C3orf20: variants seen among roughly 807,000 people sequenced by gnomAD.
The protein encoded by C3orf20 is family with sequence similarity 149 member C, also known as uncharacterized protein C3orf20.
C3orf20 carries 76 observed loss-of-function variants against 88.3 expected under a neutral mutation model. The ratio of observed to expected loss-of-function variants is 0.86; its 90% CI spans 0.72 to 1.04. The LOEUF is 1.04. Among genes scored for constraint, C3orf20 ranks in the 50% least tolerant of loss-of-function variants. The pLI is 0.00. For synonymous variants in C3orf20, 436 were observed against 437.4 expected (o/e 1.00, Z 0.04); for missense variants, 1,056 against 1,123.3 (o/e 0.94, Z 0.86).
intron 4 of C3orf20, among the ~76,000 whole-genome samples, chr3:14,685,377 T>C (rs1345770386): frequency 6.6e-6 from 1 of 152,144 alleles, no homozygotes; most frequent in African/African-American, 2.4e-5. Context: ...GAACAGGATC[T>C]GGAAGACAGC....
At chr3:14,703,836 G>A (rs2033382579) in intron 6 of C3orf20, among the ~76,000 whole-genome samples, 1 of 152,188 alleles carries the variant, frequency 6.6e-6, no homozygotes, top group Non-Finnish European at 1.5e-5. Context: ...ACAAGCCCTA[G>A]CAATTTACTC....
In C3orf20 at chr3:14,744,626, A is replaced by T. The variant is rs1481929703; in HGVS notation, c.1941-12745A>T. On this transcript the variant is annotated intron_variant, in intron 12 of 16. Coordinates refer to ENST00000253697, the MANE Select transcript of C3orf20 (RefSeq NM_032137.5). ...CATACTCGAAACTGGGAATGAAAAA[A>T]GGTTAATTGGACTTACAGTTCCCCA... 5.3e-5 allele frequency among the ~76,000 whole-genome samples: 8 copies of T among 151,970 alleles called. 1 individual carries two copies. Among genetic ancestry groups the T allele is most frequent in the Non-Finnish European group, 7.3e-5 (5 of 68,028 alleles).
At chr3:14,747,977 C>G (rs1396528125) in intron 12 of C3orf20, among the ~76,000 whole-genome samples, 1 of 151,872 alleles carries the variant, frequency 6.6e-6, no homozygotes, top group Non-Finnish European at 1.5e-5. Flanking sequence ...GTGTCTTTGT[C>G]TGGCTTTGGT....
At chr3:14,767,026 C>T (rs376653420) in intron 15 of C3orf20, 1 of 152,426 alleles carries the variant, frequency 6.6e-6, no homozygotes, top group East Asian at 1.9e-4. Flanking sequence ...GAAGCCTCTG[C>T]TTTGTCCCTC....
At chr3:14,690,493 A>T (rs1559398778) in intron 5 of C3orf20, among the ~76,000 whole-genome samples, 1 of 152,238 alleles carries the variant, frequency 6.6e-6, no homozygotes, top group Non-Finnish European at 1.5e-5. Flanking sequence ...TGGGGGAACT[A>T]GTATCTGAAG....
intron 10 of C3orf20, chr3:14,722,620 T>C (rs889366140): frequency 2.2e-6 from 1 of 456,144 alleles, no homozygotes; most frequent in East Asian, 7.0e-5. Flanking sequence ...CAACGTCCAT[T>C]CTAGACTGCT....
intron 10 of C3orf20, chr3:14,722,449 C>T (rs528635173): frequency 2.2e-6 from 1 of 456,546 alleles, no homozygotes; most frequent in South Asian, 1.5e-5. Context: ...AAGGATAAGG[C>T]AGAAGAGTTT....
intron 5 of C3orf20, among the ~76,000 whole-genome samples, chr3:14,702,526 C>T (rs1342398507): frequency 6.6e-6 from 1 of 151,330 alleles, no homozygotes; most frequent in Non-Finnish European, 1.5e-5. Context: ...CTGCAACCTC[C>T]ACCTCCCGGG....
chr3:14,700,722 C>CTCA (rs2033225736), intron 5 of C3orf20, among the ~76,000 whole-genome samples: 1 of 152,218 alleles, frequency 6.6e-6, no homozygotes, highest in Non-Finnish European at 1.5e-5. Flanking sequence ...TTAGCCTTGC[C>CTCA]TCATAGCTCG....
chr3:14,728,057 T>A (rs2034416317), intron 11 of C3orf20, among the ~76,000 whole-genome samples: 1 of 152,182 alleles, frequency 6.6e-6, no homozygotes, highest in African/African-American at 2.4e-5. Flanking sequence ...GTAGTTGGAA[T>A]TGACTTAAAG....
At chr3:14,716,441 C>A (rs1386622450) in intron 9 of C3orf20, among the ~76,000 whole-genome samples, 1 of 152,166 alleles carries the variant, frequency 6.6e-6, no homozygotes, top group African/African-American at 2.4e-5. Flanking sequence ...TGGGAGGGCT[C>A]CAGCACCCTA....
At chr3:14,678,537 T>C (rs2031912373) in intron 1 of C3orf20, among the ~76,000 whole-genome samples, 1 of 152,236 alleles carries the variant, frequency 6.6e-6, no homozygotes, top group South Asian at 2.1e-4. Context: ...TCCCAGAAGC[T>C]AACTGGAAAC....
At position 14,721,712 on chromosome 3, in the gene C3orf20, C is replaced by G; in HGVS notation, c.1494C>G (p.Thr498=). The change falls in exon 10 of 17, where the codon ACC becomes ACG. Residue 498 remains threonine (T), a synonymous_variant. Transcript: ENST00000253697. The part of the protein sequence containing the change: ...LGQDSITVTF[T]SLNETVTLTV... ...AGGACTCCATCACAGTCACCTTCAC[C>G]TCCCTGAATGAGACAGTAACACTCA... The G allele has an allele frequency of 1.9e-6, 3 of 1,614,210 alleles. No individual in the cohort carries two copies. Among genetic ancestry groups the G allele is most frequent in the Non-Finnish European group, 2.5e-6 (3 of 1,180,030 alleles).
At chr3:14,685,460 T>TC (rs2032348565) in intron 4 of C3orf20, among the ~76,000 whole-genome samples, 1 of 139,014 alleles carries the variant, frequency 7.2e-6, no homozygotes, top group Non-Finnish European at 1.5e-5. Flanking sequence ...CTCTCTCTGT[T>TC]TCTCTCTCTC....
rs34518822 is a variant in C3orf20, at chr3:14,749,697, ATT to A, written c.1941-7663_1941-7662del. Among the ~76,000 whole-genome samples, 18 of 146,792 alleles carry A rather than the reference ATT, an allele frequency of 1.2e-4. 1 individual carries two copies. The highest frequency in any genetic ancestry group is 8.8e-4 in the Admixed American group (13 of 14,840). On this transcript the variant is annotated intron_variant, in intron 12 of 16. Transcript: ENST00000253697. ...TCATTGCCTTTTTTACGTTTAATTG[ATT>A]TTTTTTTTTTACTGTATGGTTTTGA...
chr3:14,759,840 T>C, intron 13 of C3orf20, 51 bp from the exon 14 acceptor site: 1 of 1,469,968 alleles, frequency 6.8e-7, no homozygotes, highest in South Asian at 1.1e-5. Flanking sequence ...GCAATCCAGG[T>C]ACATCTTATT....
At chr3:14,694,773 G>C (rs577692667) in intron 5 of C3orf20, among the ~76,000 whole-genome samples, 1 of 151,726 alleles carries the variant, frequency 6.6e-6, no homozygotes, top group South Asian at 2.1e-4. Context: ...TGCATCATTG[G>C]GTTGTTTATT....
intron 12 of C3orf20, among the ~76,000 whole-genome samples, chr3:14,738,254 G>GC (rs1320252727): frequency 2.8e-5 from 4 of 140,612 alleles, no homozygotes; most frequent in Non-Finnish European, 1.5e-5. Flanking sequence ...TGCAACCTCT[G>GC]CCCCCCGGGT....
rs188432721 is a variant in C3orf20 at position 14,704,703 on chromosome 3, T to C, written c.1160+85T>C. The C allele has an allele frequency of 1.7e-3, 2,632 of 1,509,478 alleles. 32 individuals carry two copies. The highest frequency in any genetic ancestry group is 4.5e-3 in the South Asian group (361 of 79,378). 93.5% of individuals were successfully genotyped at this position (1,509,478 alleles called of 1,614,324 possible). A position where few individuals can be genotyped will look rare whatever the true frequency, so the allele number is the denominator to read the frequency against. On this transcript the variant is annotated intron_variant, in intron 7 of 16. Coordinates refer to ENST00000253697, the MANE Select transcript of C3orf20 (RefSeq NM_032137.5). ...GACTTGATACAGCCTAAATGTTTCCTTGGGCCTTTTAGTTATCAGAGAAGC... is the reference window on the plus strand; with the variant it reads ...GACTTGATACAGCCTAAATGTTTCCCTGGGCCTTTTAGTTATCAGAGAAGC...
Sources: gnomAD v4.1 joint callset for allele counts (sites outside exome capture counted in the v4.1 genomes callset) on GRCh38, gnomAD v4.1.1 for gene constraint, MANE v1.5 for transcripts, NCBI Gene and HGNC (gene_info 2026-07-23, HGNC 2026-07-21) for gene names.